LRRTM4: variants seen among roughly 807,000 people sequenced by gnomAD.
LRRTM4 encodes leucine-rich repeat transmembrane neuronal protein 4.
LRRTM4 carries 25 observed loss-of-function variants against 47.6 expected under a neutral mutation model. The observed-to-expected ratio is 0.53, with a 90% CI of 0.38 to 0.73. LRRTM4 has a LOEUF of 0.73. Ranked by LOEUF, LRRTM4 falls within the 30% of genes least tolerant of loss-of-function variation. The pLI, the probability that LRRTM4 is intolerant of heterozygous loss-of-function variation, is 0.00. For missense variants in LRRTM4, 638 were observed against 713.4 expected, an observed-to-expected ratio of 0.89 and a Z score of 1.20; for synonymous variants, 311 against 269.5, an observed-to-expected ratio of 1.15 and a Z score of -1.51.
chr2:77,420,612 G>A (rs1304145659), intron 3 of LRRTM4, among the ~76,000 whole-genome samples: 4 of 150,638 alleles, frequency 2.7e-5, no homozygotes, highest in Non-Finnish European at 5.9e-5. Context: ...ATATGACTTC[G>A]TAGTGTATGT....
intron 3 of LRRTM4, among the ~76,000 whole-genome samples, chr2:77,021,785 C>T (rs1678279280): frequency 6.6e-6 from 1 of 152,060 alleles, no homozygotes; most frequent in African/African-American, 2.4e-5. Context: ...ATAGATAATG[C>T]AATTACTAAT....
At chr2:77,312,808 T>C (rs555041456) in intron 3 of LRRTM4, among the ~76,000 whole-genome samples, 2 of 152,216 alleles carry the variant, frequency 1.3e-5, no homozygotes, top group African/African-American at 4.8e-5. Context: ...ATGATAGAGA[T>C]TTGGTATAAC....
intron 3 of LRRTM4, among the ~76,000 whole-genome samples, chr2:76,835,973 C>T (rs913776647): frequency 6.6e-6 from 1 of 151,864 alleles, no homozygotes; most frequent in Admixed American, 6.6e-5. Flanking sequence ...GATAGTAGAA[C>T]CTCTGAAATC....
intron 3 of LRRTM4, among the ~76,000 whole-genome samples, chr2:77,314,630 T>C (rs1016181835): frequency 2.6e-5 from 4 of 152,198 alleles, no homozygotes; most frequent in African/African-American, 9.6e-5. Context: ...TGATTAAATT[T>C]TCCTATCTGA....
At chr2:76,902,817 C>A (rs965539789) in intron 3 of LRRTM4, among the ~76,000 whole-genome samples, 3 of 151,972 alleles carry the variant, frequency 2.0e-5, no homozygotes, top group African/African-American at 7.3e-5. Flanking sequence ...ATTAGATGGC[C>A]CCAAATTGAT....
intron 3 of LRRTM4, among the ~76,000 whole-genome samples, chr2:77,476,677 T>G (rs753648546): frequency 7.2e-5 from 11 of 152,222 alleles, no homozygotes; most frequent in Non-Finnish European, 1.2e-4. Flanking sequence ...TTTCATGACG[T>G]AGAACAATTG....
At chr2:76,937,862 G>A (rs887033272) in intron 3 of LRRTM4, among the ~76,000 whole-genome samples, 2 of 151,986 alleles carry the variant, frequency 1.3e-5, no homozygotes, top group Non-Finnish European at 2.9e-5. Context: ...CACTGCACCC[G>A]GCCATCTTTA....
chr2:76,805,568 C>T (rs76147189), intron 3 of LRRTM4, among the ~76,000 whole-genome samples: 4,181 of 152,122 alleles, frequency 0.027, 195 homozygotes, highest in African/African-American at 0.082. Context: ...TCTCCTTCTA[C>T]CAGTGAGAAC....
chr2:76,945,377 A>G (rs1012382023), intron 3 of LRRTM4, among the ~76,000 whole-genome samples: 14 of 152,024 alleles, frequency 9.2e-5, no homozygotes, highest in African/African-American at 3.4e-4. Flanking sequence ...CCACCATAAA[A>G]TGTATCATGC....
intron 3 of LRRTM4, among the ~76,000 whole-genome samples, chr2:76,944,761 C>T (rs1675267295): frequency 6.6e-6 from 1 of 151,922 alleles, no homozygotes. Flanking sequence ...GTGTCCTTCT[C>T]AACTTCCCAA....
intron 3 of LRRTM4, among the ~76,000 whole-genome samples, chr2:77,473,605 C>G (rs1041652742): frequency 6.6e-6 from 1 of 152,136 alleles, no homozygotes; most frequent in African/African-American, 2.4e-5. Context: ...CTTCTACTCA[C>G]AGACCTTGAG....
chr2:77,458,671 T>C (rs571338521), intron 3 of LRRTM4, among the ~76,000 whole-genome samples: 5 of 152,024 alleles, frequency 3.3e-5, no homozygotes, highest in African/African-American at 1.2e-4. Context: ...AGGCAGGTTT[T>C]TCCTTCCTTG....
At chr2:77,185,383 G>T (rs552451377) in intron 3 of LRRTM4, among the ~76,000 whole-genome samples, 3 of 152,156 alleles carry the variant, frequency 2.0e-5, no homozygotes, top group East Asian at 3.9e-4. Flanking sequence ...TCATATTTTG[G>T]TCTCCATCCA....
chr2:77,098,700 CTA>C (rs1455486190), intron 3 of LRRTM4, among the ~76,000 whole-genome samples: 2 of 124,686 alleles, frequency 1.6e-5, no homozygotes, highest in Non-Finnish European at 3.2e-5. Context: ...AATAAAATGA[CTA>C]TACAAATCAC....
intron 3 of LRRTM4, among the ~76,000 whole-genome samples, chr2:77,128,150 A>C (rs1482262469): frequency 6.6e-6 from 1 of 151,006 alleles, no homozygotes; most frequent in Non-Finnish European, 1.5e-5. Flanking sequence ...CTCAAAAAAA[A>C]AAACAAAACA....
intron 3 of LRRTM4, among the ~76,000 whole-genome samples, chr2:77,033,303 T>C (rs924664143): frequency 6.6e-6 from 1 of 150,818 alleles, no homozygotes; most frequent in African/African-American, 2.5e-5. Flanking sequence ...ATGAAGACAT[T>C]TATAGCTCAC....
intron 3 of LRRTM4, among the ~76,000 whole-genome samples, chr2:76,993,947 T>C (rs1343780276): frequency 1.3e-5 from 2 of 151,324 alleles, no homozygotes; most frequent in African/African-American, 4.8e-5. Flanking sequence ...GAAAACATAT[T>C]TTTTTTCAGC....
chr2:77,285,090 C>G (rs1012344176), intron 3 of LRRTM4, among the ~76,000 whole-genome samples: 6 of 151,828 alleles, frequency 4.0e-5, no homozygotes, highest in African/African-American at 1.5e-4. Context: ...ATATAAACCT[C>G]TGATATCTGT....
intron 3 of LRRTM4, among the ~76,000 whole-genome samples, chr2:77,470,485 C>T (rs1677148228): frequency 6.6e-6 from 1 of 152,054 alleles, no homozygotes; most frequent in East Asian, 1.9e-4. Context: ...TACGAGAAGG[C>T]ATTCATTTGG....
Sources: allele counts gnomAD v4.1 joint callset (sites outside exome capture counted in the v4.1 genomes callset), GRCh38; gene constraint gnomAD v4.1.1; transcripts MANE v1.5; gene names NCBI Gene and HGNC (gene_info 2026-07-23, HGNC 2026-07-21).